Variants in FER1L6 observed in about 807,000 individuals in gnomAD.
FER1L6 encodes the protein fer-1 like family member 6.
In FER1L6, 177 loss-of-function variants were observed where a neutral mutation model predicts 219.2. That is an observed-to-expected ratio of 0.81 (90% CI 0.71 to 0.91). The LOEUF is 0.91. FER1L6 is among the 40% of genes least tolerant of loss of function. The pLI is 0.00. For synonymous variants in FER1L6, 768 were observed against 824.3 expected (o/e 0.93, Z 1.17); for missense variants, 2,153 against 2,259.9 (o/e 0.95, Z 0.96).
chr8:124,093,005 G>A (rs1394099230), intron 34 of FER1L6, among the ~76,000 whole-genome samples: 1 of 152,032 alleles, frequency 6.6e-6, no homozygotes, highest in Non-Finnish European at 1.5e-5. Flanking sequence ...TGTATTTTTA[G>A]TAGAGTCGGG....
chr8:123,913,556 G>A (rs1179510564), intron 1 of FER1L6, among the ~76,000 whole-genome samples: 1 of 152,066 alleles, frequency 6.6e-6, no homozygotes, highest in Non-Finnish European at 1.5e-5. Context: ...ATTTGGGCAG[G>A]TGTCCTCCCT....
chr8:123,931,412 T>A (rs16899094), intron 1 of FER1L6, among the ~76,000 whole-genome samples: 1 of 152,186 alleles, frequency 6.6e-6, no homozygotes, highest in East Asian at 1.9e-4. Context: ...TCTGGACCTC[T>A]CTTGGTTCCA....
intron 40 of FER1L6, among the ~76,000 whole-genome samples, chr8:124,119,389 C>T (rs1296923744): frequency 2.0e-5 from 3 of 152,058 alleles, no homozygotes; most frequent in African/African-American, 7.2e-5. Flanking sequence ...ACTGGACTCT[C>T]GCTCTCTGCT....
At chr8:123,933,585 T>C (rs949150343) in intron 1 of FER1L6, among the ~76,000 whole-genome samples, 1 of 152,192 alleles carries the variant, frequency 6.6e-6, no homozygotes, top group Non-Finnish European at 1.5e-5. Flanking sequence ...GTGTTGGTGA[T>C]GAAACAAAAT....
At chr8:123,885,863 T>C (rs934840086) in intron 1 of FER1L6, among the ~76,000 whole-genome samples, 1 of 152,202 alleles carries the variant, frequency 6.6e-6, no homozygotes, top group Non-Finnish European at 1.5e-5. Flanking sequence ...CCATGCTACT[T>C]CTCCAGTCCC....
intron 1 of FER1L6, among the ~76,000 whole-genome samples, chr8:123,933,578 T>A (rs754349373): frequency 2.6e-5 from 4 of 152,174 alleles, no homozygotes; most frequent in Non-Finnish European, 5.9e-5. Flanking sequence ...TCTGAGTGTG[T>A]TGGTGATGAA....
intron 1 of FER1L6, among the ~76,000 whole-genome samples, chr8:123,949,964 T>G (rs1814683502): frequency 6.6e-6 from 1 of 152,222 alleles, no homozygotes; most frequent in Non-Finnish European, 1.5e-5. Flanking sequence ...GAGAAAGAGC[T>G]GCTTGTTCCA....
At chr8:124,043,992 T>C (rs1819616000) in intron 20 of FER1L6, among the ~76,000 whole-genome samples, 2 of 152,228 alleles carry the variant, frequency 1.3e-5, no homozygotes, top group African/African-American at 4.8e-5. Flanking sequence ...ACATTGTAGG[T>C]CCTGAATCCT....
At chr8:123,974,832 C>T (rs189119075) in intron 7 of FER1L6, among the ~76,000 whole-genome samples, 21 of 151,950 alleles carry the variant, frequency 1.4e-4, no homozygotes, top group Admixed American at 8.5e-4. Flanking sequence ...GTAAATAATA[C>T]GTATGTGACT....
At position 124,060,189 on chromosome 8, in the gene FER1L6, T is replaced by C. The variant is rs759486293; in HGVS notation, c.2884T>C (p.Ser962Pro). The C allele has an allele frequency of 4.6e-5, 75 of 1,613,992 alleles. 5 individuals are homozygous for C. In the South Asian group the frequency reaches 8.1e-4, roughly 17 times the overall value. Residue 962 changes from serine (S) to proline (P), a missense_variant, in exon 23 of 41, where the codon TCT (serine) becomes CCT (proline). Coordinates refer to ENST00000522917, the MANE Select transcript of FER1L6 (RefSeq NM_001039112.2). ...AVFELLQVPP[S>P]GLQGLPPVEP... ...TTGCCTTGTGCGGTAGGTTCCTCCT[T>C]CTGGGCTGCAAGGCCTCCCACCCGT...
intron 3 of FER1L6, among the ~76,000 whole-genome samples, chr8:123,964,656 C>T (rs931630280): frequency 3.9e-5 from 6 of 152,130 alleles, no homozygotes; most frequent in Non-Finnish European, 7.4e-5. Context: ...AGGGTGATAG[C>T]ATTGAGTGGA....
Position 124,119,716 on chromosome 8 carries a change from C to T in FER1L6, c.5500C>T (p.Leu1834Phe). 1 of 1,613,224 alleles carries T rather than the reference C, an allele frequency of 6.2e-7. No homozygotes were observed. The highest frequency in any genetic ancestry group is 8.5e-7 in the Non-Finnish European group (1 of 1,179,422). ...CATCATTGCTTTCATTCTCATCATC[C>T]TCATCATCTTCCTCGTCCTTTTCAT... ...YIIIAFILII[L>F]IIFLVLFIYT... is the part of the protein sequence containing the mutation. The change falls in exon 41 of 41, where the codon CTC becomes TTC. Residue 1834 changes from leucine (L) to phenylalanine (F), a missense_variant. Leu to Phe is a conservative substitution (Grantham distance 22). Transcript: ENST00000522917.
At chr8:123,923,941 G>GA (rs60137127) in intron 1 of FER1L6, among the ~76,000 whole-genome samples, 3,505 of 94,756 alleles carry the variant, frequency 0.037, 86 homozygotes, top group Admixed American at 0.062. Context: ...CTCCAACTAA[G>GA]AAAAAAAAAA....
intron 34 of FER1L6, 33 bp downstream of exon 34, chr8:124,091,616 C>T: frequency 6.3e-7 from 1 of 1,597,090 alleles, no homozygotes; most frequent in Non-Finnish European, 8.5e-7. Context: ...GCTGGTGTTG[C>T]TCTTCTTTTG....
At chr8:124,062,341 G>A (rs1323995846) in intron 25 of FER1L6, among the ~76,000 whole-genome samples, 1 of 152,142 alleles carries the variant, frequency 6.6e-6, no homozygotes, top group Non-Finnish European at 1.5e-5. Flanking sequence ...TGGATCTCAG[G>A]TGCACAAAGT....
At chr8:123,967,609 C>T (rs1815612217) in intron 5 of FER1L6, among the ~76,000 whole-genome samples, 1 of 152,182 alleles carries the variant, frequency 6.6e-6, no homozygotes, top group Non-Finnish European at 1.5e-5. Context: ...CATTTGCTTA[C>T]TTGTAGGCTC....
At position 124,099,037 on chromosome 8, in the gene FER1L6, C is replaced by T. The variant is rs186882398; in HGVS notation, c.4883+1154C>T. On this transcript the variant is annotated intron_variant, in intron 37 of 40. Transcript: ENST00000522917. ...CTTCTTGCCTTAACTTCTGTAGCAA[C>T]ACATGTATCTGTTTTTTCTCTTATC... Among the ~76,000 whole-genome samples, 36 of 152,322 alleles carry T rather than the reference C, an allele frequency of 2.4e-4. No homozygotes were observed. The South Asian group carries it at 5.0e-3, about 21-fold the overall frequency.
chr8:124,117,561 T>A (rs1015950959), intron 39 of FER1L6, among the ~76,000 whole-genome samples: 1 of 152,246 alleles, frequency 6.6e-6, no homozygotes, highest in African/African-American at 2.4e-5. Context: ...AATGCTACTC[T>A]GAGTTGGGCC....
intron 1 of FER1L6, among the ~76,000 whole-genome samples, chr8:123,876,446 G>A (rs1389344945): frequency 6.6e-6 from 1 of 151,954 alleles, no homozygotes; most frequent in Admixed American, 6.6e-5. Flanking sequence ...AGCTTCCCAA[G>A]TAGCCGGAAC....
Sources: gnomAD v4.1 joint callset for allele counts (sites outside exome capture counted in the v4.1 genomes callset) on GRCh38, gnomAD v4.1.1 for gene constraint, MANE v1.5 for transcripts, NCBI Gene and HGNC (gene_info 2026-07-23, HGNC 2026-07-21) for gene names.